GALNTL6: variants seen among roughly 807,000 people sequenced by gnomAD.
GALNTL6 encodes the protein polypeptide N-acetylgalactosaminyltransferase-like 6.
GALNTL6 carries 46 observed loss-of-function variants against 73.7 expected under a neutral mutation model. That is an observed-to-expected ratio of 0.62 (90% CI 0.49 to 0.80). The LOEUF (loss-of-function observed/expected upper bound fraction) is 0.80. Among genes scored for constraint, GALNTL6 ranks in the 30% least tolerant of loss-of-function variants. GALNTL6 has a pLI of 0.00. For missense variants in GALNTL6, 604 were observed against 755.0 expected, an observed-to-expected ratio of 0.80 and a Z score of 2.34; for synonymous variants, 259 against 263.7, an observed-to-expected ratio of 0.98 and a Z score of 0.17.
rs115976294 is a variant in GALNTL6, at chr4:172,357,430, C to T, written c.553+8741C>T. On this transcript the variant is annotated intron_variant, in intron 5 of 12. Coordinates refer to ENST00000506823, the MANE Select transcript of GALNTL6 (RefSeq NM_001034845.3). The stretch of plus-strand genomic sequence containing the variant: ...AGGGCCATGCTGGTGCGAATGTCTC[C>T]AGAAGATAAGGGTCATTCTAGAAGA... Among the ~76,000 whole-genome samples, 294 of 152,058 alleles carry T rather than the reference C, an allele frequency of 1.9e-3. 1 individual carries two copies. The highest frequency in any genetic ancestry group is 6.8e-3 in the African/African-American group (283 of 41,472).
chr4:172,888,194 G>A (rs2111205637), intron 8 of GALNTL6, among the ~76,000 whole-genome samples: 1 of 152,234 alleles, frequency 6.6e-6, no homozygotes, highest in East Asian at 1.9e-4. Flanking sequence ...AAGTTTAATA[G>A]GCCCCACTTG....
At chr4:172,037,281 T>A (rs1328325995) in intron 2 of GALNTL6, among the ~76,000 whole-genome samples, 1 of 152,146 alleles carries the variant, frequency 6.6e-6, no homozygotes, top group African/African-American at 2.4e-5. Context: ...CTGCTGAGAC[T>A]AGAACTCTGA....
intron 2 of GALNTL6, among the ~76,000 whole-genome samples, chr4:171,919,559 CTTCCTCTTAGTGGCAGGAT>C (rs1327580120): frequency 2.0e-5 from 3 of 152,094 alleles, no homozygotes; most frequent in African/African-American, 7.2e-5. Context: ...TTGACCACCA[CTTCCTCTTAGTGGCAGGAT>C]ACTTATAGGC....
chr4:172,264,857 CT>C (rs527481255), intron 3 of GALNTL6, among the ~76,000 whole-genome samples: 53 of 146,092 alleles, frequency 3.6e-4, no homozygotes, highest in Non-Finnish European at 5.8e-4. Context: ...TCTTTTTCTT[CT>C]TTTTTTTTTC....
intron 5 of GALNTL6, among the ~76,000 whole-genome samples, chr4:172,487,426 C>T (rs1370652360): frequency 2.0e-5 from 3 of 148,910 alleles, no homozygotes; most frequent in African/African-American, 7.4e-5. Context: ...CACTCTGTCG[C>T]CCAGGCTGGA....
intron 4 of GALNTL6, among the ~76,000 whole-genome samples, chr4:172,317,392 A>G (rs1384003138): frequency 6.6e-6 from 1 of 152,208 alleles, no homozygotes; most frequent in African/African-American, 2.4e-5. Context: ...GATTATTAAA[A>G]TTGGGGCAAG....
At chr4:171,947,244 G>A (rs775707582) in intron 2 of GALNTL6, among the ~76,000 whole-genome samples, 9 of 151,474 alleles carry the variant, frequency 5.9e-5, no homozygotes, top group Non-Finnish European at 1.3e-4. Context: ...TTAACTTGTC[G>A]ATGTTAATAA....
chr4:172,171,229 G>T (rs1734811622), intron 2 of GALNTL6, among the ~76,000 whole-genome samples: 1 of 152,030 alleles, frequency 6.6e-6, no homozygotes, highest in South Asian at 2.1e-4. Flanking sequence ...TCAAAGTGAA[G>T]GTTATGGCTG....
At chr4:172,564,810 C>G (rs901731583) in intron 5 of GALNTL6, among the ~76,000 whole-genome samples, 1 of 152,336 alleles carries the variant, frequency 6.6e-6, no homozygotes, top group South Asian at 2.1e-4. Context: ...ACATCCTCAG[C>G]TTTCTCCGAG....
chr4:172,953,385 T>C (rs1445331545), intron 10 of GALNTL6, among the ~76,000 whole-genome samples: 1 of 152,222 alleles, frequency 6.6e-6, no homozygotes, highest in Non-Finnish European at 1.5e-5. Flanking sequence ...GAAGGCTAGA[T>C]GTTCACACCG....
chr4:173,030,078 C>G (rs1428977326), intron 12 of GALNTL6, among the ~76,000 whole-genome samples: 1 of 152,188 alleles, frequency 6.6e-6, no homozygotes, highest in East Asian at 1.9e-4. Flanking sequence ...CAAAATTGGA[C>G]TCTTCAAACA....
chr4:172,697,186 T>C lies in GALNTL6; in HGVS notation c.554-112175T>C, dbSNP rs377348730. 3.3e-5 allele frequency among the ~76,000 whole-genome samples: 5 copies of C among 152,314 alleles called. No homozygotes were observed. The South Asian group carries it at 6.2e-4, about 19-fold the overall frequency. Reference sequence around the variant, plus strand: ...ATGTGAAAAAAATAAAAATAAGATATCCTTAGCATTTCTGAAAATACTGGT... The same window carrying C: ...ATGTGAAAAAAATAAAAATAAGATACCCTTAGCATTTCTGAAAATACTGGT... On this transcript the variant is annotated intron_variant, in intron 5 of 12. Transcript: ENST00000506823.
At chr4:171,821,915 T>C (rs902355546) in intron 2 of GALNTL6, among the ~76,000 whole-genome samples, 8 of 152,076 alleles carry the variant, frequency 5.3e-5, no homozygotes, top group Admixed American at 5.2e-4. Context: ...ATTATTTTAA[T>C]TTTTTTATTG....
At chr4:172,047,259 T>C (rs1742247455) in intron 2 of GALNTL6, among the ~76,000 whole-genome samples, 1 of 152,090 alleles carries the variant, frequency 6.6e-6, no homozygotes, top group African/African-American at 2.4e-5. Flanking sequence ...TTCCATTCAG[T>C]TTTACTTTCT....
intron 2 of GALNTL6, among the ~76,000 whole-genome samples, chr4:171,870,370 C>T (rs767369239): frequency 2.4e-4 from 37 of 152,162 alleles, no homozygotes; most frequent in Admixed American, 2.2e-3. Flanking sequence ...CTCTTCCAGA[C>T]GTTGATGTGG....
At chr4:171,878,330 T>C (rs540803039) in intron 2 of GALNTL6, among the ~76,000 whole-genome samples, 6 of 152,362 alleles carry the variant, frequency 3.9e-5, no homozygotes, top group African/African-American at 1.4e-4. Context: ...GGCTTTATTC[T>C]ATTTAGCTAC....
At chr4:172,358,790 C>T (rs1045816006) in intron 5 of GALNTL6, among the ~76,000 whole-genome samples, 1 of 138,168 alleles carries the variant, frequency 7.2e-6, no homozygotes, top group Non-Finnish European at 1.5e-5. Flanking sequence ...TTTTAGGTTC[C>T]AAACTTCAGT....
At chr4:172,609,625 C>CTCTGTGTGTGTGTG (rs753051714) in intron 5 of GALNTL6, among the ~76,000 whole-genome samples, 4 of 92,776 alleles carry the variant, frequency 4.3e-5, no homozygotes, top group South Asian at 5.2e-4. Context: ...CTCTCTCTCT[C>CTCTGTGTGTGTGTG]TGTGTGTGTG....
At chr4:172,205,100 G>A (rs1736064924) in intron 2 of GALNTL6, among the ~76,000 whole-genome samples, 1 of 152,060 alleles carries the variant, frequency 6.6e-6, no homozygotes, top group African/African-American at 2.4e-5. Flanking sequence ...ACACTACATT[G>A]GTGCTTTATA....
Sources: gnomAD v4.1 joint callset for allele counts (sites outside exome capture counted in the v4.1 genomes callset) on GRCh38, gnomAD v4.1.1 for gene constraint, MANE v1.5 for transcripts, NCBI Gene and HGNC (gene_info 2026-07-23, HGNC 2026-07-21) for gene names.